COMMD6: variants seen among roughly 807,000 people sequenced by gnomAD.
The protein encoded by COMMD6 is COMM domain-containing protein 6.
A neutral mutation model predicts 13.4 loss-of-function variants in COMMD6; 11 were observed. The ratio of observed to expected loss-of-function variants is 0.82; its 90% CI spans 0.52 to 1.36. COMMD6 has a LOEUF of 1.36. Ranked by LOEUF, COMMD6 falls within the 40% of genes most tolerant of loss-of-function variation. The probability of loss-of-function intolerance (pLI) is 0.00; values close to 1 mark genes in which losing one functional copy is unlikely to be tolerated. For missense variants in COMMD6, 124 were observed against 102.4 expected, an observed-to-expected ratio of 1.21 and a Z score of -0.91; for synonymous variants, 43 against 36.5, an observed-to-expected ratio of 1.18 and a Z score of -0.64.
chr13:75,544,668 C>G (rs2030875697), intron 1 of COMMD6, among the ~76,000 whole-genome samples: 1 of 152,116 alleles, frequency 6.6e-6, no homozygotes, highest in Admixed American at 6.5e-5. Flanking sequence ...GAGGCTGAGA[C>G]AGGAGAATCA....
chr13:75,530,465 T>A (rs28728007), intron 2 of COMMD6, 199 bp from the exon 3 acceptor site: 1 of 370,954 alleles, frequency 2.7e-6, no homozygotes, highest in Non-Finnish European at 4.8e-6. Flanking sequence ...TATAAACAGT[T>A]AAAAAACACC....
At chr13:75,530,765 T>G (rs746436676) in intron 2 of COMMD6, among the ~76,000 whole-genome samples, 7 of 152,234 alleles carry the variant, frequency 4.6e-5, no homozygotes, top group Non-Finnish European at 1.0e-4. Context: ...AGGTTATTGT[T>G]TCCACTTTGC....
At chr13:75,537,020 CCT>C (rs1320637109) in intron 2 of COMMD6, among the ~76,000 whole-genome samples, 3 of 152,202 alleles carry the variant, frequency 2.0e-5, no homozygotes, top group African/African-American at 7.2e-5. Flanking sequence ...TCAATGGACA[CCT>C]CTTTCAGCCC....
At chr13:75,539,310 C>T (rs1446952778), upstream of COMMD6, among the ~76,000 whole-genome samples, 3 of 151,860 alleles carry the variant, frequency 2.0e-5, no homozygotes, top group African/African-American at 7.3e-5. Context: ...GCAATCTAAG[C>T]TCATTGCAAC....
upstream of COMMD6, chr13:75,537,943 A>T: frequency 2.5e-6 from 2 of 811,096 alleles, no homozygotes; most frequent in East Asian, 2.6e-5. Flanking sequence ...TCTTTATGTG[A>T]CTCATATTTT....
rs2030264088 is a variant in COMMD6 at position 75,526,527 on chromosome 13, T to C, written c.*62A>G. The C allele has an allele frequency of 4.5e-6, 5 of 1,112,424 alleles. No individual in the cohort carries two copies. The East Asian group carries it at 1.3e-4, about 28-fold the overall frequency. 68.9% of individuals were successfully genotyped at this position (1,112,424 alleles called of 1,614,324 possible). The stretch of plus-strand genomic sequence containing the variant: ...AATGTTCCATCCTTATTTAGTTTTG[T>C]TGCCGAAAGTGAAGTCCATGACTTT... On this transcript the variant is annotated 3_prime_UTR_variant, in exon 4 of 4. Transcript: ENST00000682242.
chr13:75,540,529 T>C (rs2030812363), upstream of COMMD6, among the ~76,000 whole-genome samples: 1 of 152,192 alleles, frequency 6.6e-6, no homozygotes, highest in Non-Finnish European at 1.5e-5. Flanking sequence ...CAAAAACCTA[T>C]CGATCTGATT....
At chr13:75,548,766 G>A (rs7326807) in intron 1 of COMMD6, among the ~76,000 whole-genome samples, 87,373 of 152,068 alleles carry the variant, frequency 0.57, 26,938 homozygotes, top group Non-Finnish European at 0.69. Context: ...GAAGAAAAAA[G>A]AGACACTGCT....
rs995026285 is a variant in COMMD6, at chr13:75,537,767, G to A, written c.39C>T (p.Ser13=). Reference sequence around the variant, plus strand: ...CTCCTTCCAGGTTGGAACTCACATCGGACTTAGCATCCAGCGGCGGCTCGC... The same window carrying A: ...CTCCTTCCAGGTTGGAACTCACATCAGACTTAGCATCCAGCGGCGGCTCGC... ...ASSEPPLDAK[S]DVTNQLVDFQ... Residue 13 remains serine, a synonymous_variant, in exon 1 of 4, where the codon TCC becomes TCT. Transcript: ENST00000682242. 3.7e-6 allele frequency: 6 copies of A among 1,613,236 alleles called. No individual in the cohort carries two copies. The highest frequency in any genetic ancestry group is 4.2e-6 in the Non-Finnish European group (5 of 1,179,534).
At chr13:75,537,894 C>T, upstream of COMMD6, 1 of 1,375,366 alleles carries the variant, frequency 7.3e-7, no homozygotes, top group Non-Finnish European at 9.9e-7. Context: ...AGCGGCCTGG[C>T]GCATGGGGCG....
chr13:75,535,891 A>G (rs895800001), intron 2 of COMMD6, among the ~76,000 whole-genome samples: 1 of 147,214 alleles, frequency 6.8e-6, no homozygotes. Flanking sequence ...ATACTCCGTA[A>G]TTTTTTTTTT....
chr13:75,548,166 C>T (rs1297537955), intron 1 of COMMD6, among the ~76,000 whole-genome samples: 3 of 152,236 alleles, frequency 2.0e-5, no homozygotes, highest in African/African-American at 7.2e-5. Flanking sequence ...AAAGCAGCCC[C>T]TGGCATGCAC....
At chr13:75,536,066 T>G (rs187649166) in intron 2 of COMMD6, among the ~76,000 whole-genome samples, 101 of 152,240 alleles carry the variant, frequency 6.6e-4, no homozygotes, top group African/African-American at 2.3e-3. Context: ...TTTTTTATTT[T>G]TATAGAGATA....
chr13:75,540,344 C>CCACACACACACACA (rs59520333), upstream of COMMD6, among the ~76,000 whole-genome samples: 2 of 147,382 alleles, frequency 1.4e-5, no homozygotes, highest in African/African-American at 2.5e-5. Flanking sequence ...ACACACACAC[C>CCACACACACACACA]CACACACACA....
chr13:75,544,265 C>T (rs2030868496), intron 1 of COMMD6, among the ~76,000 whole-genome samples: 1 of 152,174 alleles, frequency 6.6e-6, no homozygotes, highest in African/African-American at 2.4e-5. Context: ...TTGGCCTACT[C>T]ACATGATTGA....
At chr13:75,528,337 A>G (rs1035440516) in intron 3 of COMMD6, among the ~76,000 whole-genome samples, 1 of 151,996 alleles carries the variant, frequency 6.6e-6, no homozygotes, top group South Asian at 2.1e-4. Context: ...AAAGACCAAA[A>G]CGTGTATTCT....
chr13:75,547,317 A>AT (rs571338945), intron 1 of COMMD6, among the ~76,000 whole-genome samples: 1 of 152,294 alleles, frequency 6.6e-6, no homozygotes, highest in East Asian at 1.9e-4. Flanking sequence ...GGGAACTACA[A>AT]TTTTTTGTCA....
At chr13:75,548,458 A>G (rs1593964926) in intron 1 of COMMD6, among the ~76,000 whole-genome samples, 1 of 152,156 alleles carries the variant, frequency 6.6e-6, no homozygotes, top group African/African-American at 2.4e-5. Context: ...CTCTACCTGA[A>G]TTTCCTCTAT....
At chr13:75,540,536 G>T (rs1474451430), upstream of COMMD6, among the ~76,000 whole-genome samples, 6 of 152,234 alleles carry the variant, frequency 3.9e-5, no homozygotes, top group South Asian at 2.1e-4. Flanking sequence ...CTATCGATCT[G>T]ATTTGGGGAG....
Sources: allele counts gnomAD v4.1 joint callset (sites outside exome capture counted in the v4.1 genomes callset), GRCh38; gene constraint gnomAD v4.1.1; transcripts MANE v1.5; gene names NCBI Gene and HGNC (gene_info 2026-07-23, HGNC 2026-07-21).